Variants in CUL4A observed in about 807,000 individuals in gnomAD.
The protein encoded by CUL4A is cullin 4A.
CUL4A carries 16 observed loss-of-function variants against 95.5 expected under a neutral mutation model. The ratio of observed to expected loss-of-function variants is 0.17; its 90% CI spans 0.11 to 0.25. The LOEUF is 0.25. CUL4A is among the 10% of genes least tolerant of loss of function. The pLI, the probability that CUL4A is intolerant of heterozygous loss-of-function variation, is 1.00. For missense variants in CUL4A, 610 were observed against 937.0 expected, an observed-to-expected ratio of 0.65 and a Z score of 4.56; for synonymous variants, 380 against 353.1, an observed-to-expected ratio of 1.08 and a Z score of -0.85.
At chr13:113,225,404 T>C (rs999073792) in intron 3 of CUL4A, among the ~76,000 whole-genome samples, 1 of 152,250 alleles carries the variant, frequency 6.6e-6, no homozygotes, top group Admixed American at 6.5e-5. Flanking sequence ...TTTTTTTCTG[T>C]GGGAAATAAC....
At chr13:113,222,118 G>A (rs1020920038) in intron 3 of CUL4A, among the ~76,000 whole-genome samples, 4 of 152,342 alleles carry the variant, frequency 2.6e-5, no homozygotes, top group South Asian at 2.1e-4. Context: ...CTGGGTGTGG[G>A]AGAGTTGACC....
intron 15 of CUL4A, among the ~76,000 whole-genome samples, chr13:113,247,308 G>C (rs763192881): frequency 6.6e-6 from 1 of 152,188 alleles, no homozygotes; most frequent in Non-Finnish European, 1.5e-5. Flanking sequence ...CTGGACAGAA[G>C]GGTACCATCT....
At chr13:113,230,873 T>C (rs9549704) in intron 5 of CUL4A, among the ~76,000 whole-genome samples, 30,958 of 152,044 alleles carry the variant, frequency 0.2, 3,626 homozygotes, top group South Asian at 0.41. Context: ...TGGGCTCAAG[T>C]GATCTTCCTG....
intron 9 of CUL4A, 144 bp from the exon 10 acceptor site, chr13:113,239,289 C>A (rs2041636329): frequency 4.2e-6 from 3 of 721,830 alleles, no homozygotes; most frequent in Non-Finnish European, 7.5e-6. Flanking sequence ...CCAGATCAAC[C>A]TGCTCATGTA....
chr13:113,229,985 G>C, intron 5 of CUL4A: 1 of 318,656 alleles, frequency 3.1e-6, no homozygotes. Flanking sequence ...ATACACCAGG[G>C]GTTCTGGGGC....
At chr13:113,230,835 A>G (rs951451732) in intron 5 of CUL4A, among the ~76,000 whole-genome samples, 8 of 152,136 alleles carry the variant, frequency 5.3e-5, no homozygotes, top group African/African-American at 1.7e-4. Context: ...CAGTGGCACA[A>G]TCATAACTCA....
At chr13:113,239,859 C>T (rs1422044978) in intron 10 of CUL4A, among the ~76,000 whole-genome samples, 1 of 152,184 alleles carries the variant, frequency 6.6e-6, no homozygotes, top group Non-Finnish European at 1.5e-5. Context: ...CATGATTTTT[C>T]CTAAAGTAAT....
At chr13:113,240,134 G>C (rs1396705358) in intron 10 of CUL4A, among the ~76,000 whole-genome samples, 1 of 152,200 alleles carries the variant, frequency 6.6e-6, no homozygotes, top group Non-Finnish European at 1.5e-5. Context: ...CGGCCCTTTG[G>C]TGCTGACATA....
At chr13:113,244,839 CAA>C (rs201136539) in intron 12 of CUL4A, 108 bp from the exon 13 acceptor site, 2,485 of 555,124 alleles carry the variant, frequency 4.5e-3, no homozygotes, top group Middle Eastern at 4.7e-3. Context: ...GACTCTGTCT[CAA>C]AAAAAAAAAA....
At chr13:113,227,940 C>A in intron 3 of CUL4A, 36 bp from the exon 4 acceptor site, 2 of 1,347,982 alleles carry the variant, frequency 1.5e-6, no homozygotes, top group Non-Finnish European at 1.0e-6. Context: ...ATTAAATTGG[C>A]CAGCATTTTT....
At position 113,246,035 on chromosome 13, in the gene CUL4A, C is replaced by T. The variant is rs138665383; in HGVS notation, c.1610C>T (p.Thr537Met). The T allele has an allele frequency of 2.9e-5, 47 of 1,613,640 alleles. No individual in the cohort carries two copies. Among genetic ancestry groups the T allele is most frequent in the African/African-American group, 4.0e-5 (3 of 74,916 alleles). ...ILTMGYWPTYTPMEVHLTPEM... is the reference protein window; with the variant it reads ...ILTMGYWPTYMPMEVHLTPEM... ...ACAATGGGCTACTGGCCAACATACA[C>T]GCCCATGGAAGTGCACTTAACCCCA... The change falls in exon 15 of 20, where the codon ACG becomes ATG. Residue 537 changes from threonine (T) to methionine (M), a missense_variant. Thr to Met is a moderately conservative substitution (Grantham distance 81, BLOSUM62 -1). Around this residue, in one of 10 missense-constraint regions of CUL4A, gnomAD observed 44 missense variants for 75.6 expected, o/e 0.58. Coordinates refer to ENST00000375440, the MANE Select transcript of CUL4A (RefSeq NM_001008895.4).
chr13:113,253,008 T>C, intron 15 of CUL4A, 74 bp from the exon 16 acceptor site: 1 of 632,536 alleles, frequency 1.6e-6, no homozygotes, highest in Non-Finnish European at 2.8e-6. Context: ...ATTGTAAAAC[T>C]CTGTGCATTG....
chr13:113,238,296 T>A lies in CUL4A; in HGVS notation c.917-1137T>A, dbSNP rs115112184. Among the ~76,000 whole-genome samples, 1,402 of 151,644 alleles carry A rather than the reference T, an allele frequency of 9.2e-3. 32 individuals carry two copies. Among genetic ancestry groups the A allele is most frequent in the African/African-American group, 0.031 (1,294 of 41,356 alleles). ...CTCTACCAAAAAAATAAAAATAAAA[T>A]TTTTTTTTAAAGCCACAGGTGGTGC... On this transcript the variant is annotated intron_variant, in intron 9 of 19. Coordinates refer to ENST00000375440, the MANE Select transcript of CUL4A (RefSeq NM_001008895.4).
At chr13:113,220,309 G>A (rs1477312483) in intron 3 of CUL4A, among the ~76,000 whole-genome samples, 1 of 152,252 alleles carries the variant, frequency 6.6e-6, no homozygotes. Flanking sequence ...CAGCTCTGTT[G>A]TGCTGGCTTC....
intron 5 of CUL4A, 106 bp from the exon 6 acceptor site, chr13:113,233,071 C>T (rs1480996005): frequency 8.4e-7 from 1 of 1,197,224 alleles, no homozygotes; most frequent in Non-Finnish European, 1.2e-6. Context: ...AGAGAATTAG[C>T]AACTTCACAT....
chr13:113,237,214 G>A (rs1033466798), intron 9 of CUL4A, among the ~76,000 whole-genome samples: 2 of 152,202 alleles, frequency 1.3e-5, no homozygotes, highest in African/African-American at 4.8e-5. Flanking sequence ...CTCATTTCCT[G>A]TGTCCGGCCG....
upstream of CUL4A, chr13:113,208,594 C>T: frequency 6.2e-7 from 1 of 1,605,332 alleles, no homozygotes; most frequent in Non-Finnish European, 8.5e-7. Flanking sequence ...CCGGCTAGGA[C>T]CCACCTGCTG....
chr13:113,246,081 A>G lies in CUL4A; in HGVS notation c.1638+18A>G. ...CCCCAGAAGTAAGTGTGCAGAAAGC[A>G]TGCTGTCCGCTCCCGCTGTCATGCC... is the stretch of plus-strand genomic sequence containing the variant. On this transcript the variant is annotated intron_variant, in intron 15 of 19. Transcript: ENST00000375440. The G allele has an allele frequency of 1.3e-6, 2 of 1,581,494 alleles. No individual in the cohort carries two copies. Among genetic ancestry groups the G allele is most frequent in the Non-Finnish European group, 1.7e-6 (2 of 1,151,588 alleles).
intron 3 of CUL4A, 44 bp downstream of exon 3, chr13:113,219,092 T>G (rs1280566800): frequency 7.9e-7 from 1 of 1,263,074 alleles, no homozygotes; most frequent in Non-Finnish European, 1.1e-6. Flanking sequence ...ATTATCTAAG[T>G]CTTTTAAAAC....
Sources: allele counts gnomAD v4.1 joint callset (sites outside exome capture counted in the v4.1 genomes callset), GRCh38; gene constraint gnomAD v4.1.1; regional missense constraint gnomAD v4.1.1; transcripts MANE v1.5; gene names NCBI Gene and HGNC (gene_info 2026-07-23, HGNC 2026-07-21).